The following KLF13 variants were observed in gnomAD, a reference collection of about 807,000 sequenced individuals.
KLF13 encodes the protein Krueppel-like factor 13.
A neutral mutation model predicts 16.7 loss-of-function variants in KLF13; 8 were observed. The ratio of observed to expected loss-of-function variants is 0.48; its 90% CI spans 0.28 to 0.87. The LOEUF (loss-of-function observed/expected upper bound fraction) is 0.87, where lower values mean the gene tolerates loss of function less well. KLF13 is among the 40% of genes least tolerant of loss of function. KLF13 has a pLI of 0.10. For synonymous variants in KLF13, 245 were observed against 208.4 expected (o/e 1.18, Z -1.51); for missense variants, 447 against 452.2 (o/e 0.99, Z 0.10).
chr15:31,328,116 C>T (rs986555925), intron 1 of KLF13, among the ~76,000 whole-genome samples: 1 of 149,644 alleles, frequency 6.7e-6, no homozygotes, highest in African/African-American at 2.5e-5. Flanking sequence ...GGAGGCGGCG[C>T]GGGCAGGTGC....
At chr15:31,403,897 C>A (rs941343061) in exon 3 of KLF13, 1 of 152,276 alleles carries the variant, frequency 6.6e-6, no homozygotes, top group African/African-American at 2.4e-5. Context: ...TGATCCCGGA[C>A]TGGAGCGCCA....
chr15:31,424,698 C>T (rs1420376302), intron 1 of KLF13, among the ~76,000 whole-genome samples: 1 of 152,138 alleles, frequency 6.6e-6, no homozygotes, highest in East Asian at 1.9e-4. Context: ...AAAGCTTTAT[C>T]TCTAAGGTTA....
At chr15:31,394,730 C>T (rs977375656) in intron 2 of KLF13, among the ~76,000 whole-genome samples, 3 of 152,152 alleles carry the variant, frequency 2.0e-5, no homozygotes, top group East Asian at 1.9e-4. Context: ...TATTCACAGA[C>T]GTGCAACCAT....
chr15:31,337,305 G>C (rs1431394172), intron 1 of KLF13, among the ~76,000 whole-genome samples: 1 of 152,224 alleles, frequency 6.6e-6, no homozygotes, highest in Non-Finnish European at 1.5e-5. Flanking sequence ...TGTTGTTTTT[G>C]TCTTCTAGCA....
At chr15:31,380,403 C>T (rs1432088779), downstream of KLF13, among the ~76,000 whole-genome samples, 1 of 152,178 alleles carries the variant, frequency 6.6e-6, no homozygotes, top group African/African-American at 2.4e-5. Flanking sequence ...CACTGCTTGC[C>T]AGGAATTCCA....
chr15:31,334,228 G>A (rs1273038941), intron 1 of KLF13, among the ~76,000 whole-genome samples: 1 of 152,210 alleles, frequency 6.6e-6, no homozygotes, highest in Non-Finnish European at 1.5e-5. Flanking sequence ...TTAATAGCCA[G>A]CTCAAGGGTA....
At chr15:31,388,438 C>A, upstream of KLF13, among the ~76,000 whole-genome samples, 1 of 151,608 alleles carries the variant, frequency 6.6e-6, no homozygotes, top group Non-Finnish European at 1.5e-5. Context: ...ATGGAGAAAC[C>A]CTGTCTCTCC....
chr15:31,425,768 T>C (rs1374377923), intron 1 of KLF13, among the ~76,000 whole-genome samples: 2 of 152,156 alleles, frequency 1.3e-5, no homozygotes, highest in African/African-American at 2.4e-5. Context: ...TCCCAGCTAC[T>C]TGGGAGGCTG....
chr15:31,424,584 G>A (rs542179304), intron 1 of KLF13, among the ~76,000 whole-genome samples: 22 of 152,044 alleles, frequency 1.4e-4, no homozygotes, highest in Non-Finnish European at 2.5e-4. Context: ...ACCCTTTCAT[G>A]ATAAAAACAC....
intron 1 of KLF13, among the ~76,000 whole-genome samples, chr15:31,346,142 T>C (rs2039112519): frequency 6.6e-6 from 1 of 151,948 alleles, no homozygotes; most frequent in Non-Finnish European, 1.5e-5. Flanking sequence ...CCAGAGCTGT[T>C]CCGCACAGAA....
chr15:31,346,103 C>T (rs536428700), intron 1 of KLF13, among the ~76,000 whole-genome samples: 2 of 152,238 alleles, frequency 1.3e-5, no homozygotes, highest in East Asian at 1.9e-4. Context: ...GCATATCTCT[C>T]AGGAGCCCCC....
In KLF13 at chr15:31,374,808, A is replaced by G. The variant is rs902837699; in HGVS notation, c.*2509A>G. 1 of 129,670 alleles carries G rather than the reference A, an allele frequency of 7.7e-6. No homozygotes were observed. Among genetic ancestry groups the G allele is most frequent in the Non-Finnish European group, 1.6e-5 (1 of 64,492 alleles). The allele number at this position is 129,670 out of a possible 1,614,324, so 8.0% of individuals were successfully genotyped here. The stretch of plus-strand genomic sequence containing the variant: ...AAGGAAAAGATAGGACTCTAAACCT[A>G]GTCATCTTGGAATAAAAAGAAGAGC... On this transcript the variant is annotated 3_prime_UTR_variant, in exon 2 of 2. Coordinates refer to ENST00000307145, the MANE Select transcript of KLF13 (RefSeq NM_015995.4).
chr15:31,394,389 A>T (rs1410512667), intron 2 of KLF13, among the ~76,000 whole-genome samples: 2 of 151,936 alleles, frequency 1.3e-5, no homozygotes, highest in Non-Finnish European at 2.9e-5. Flanking sequence ...CGGGAGGCTG[A>T]GGCGACAGAA....
At chr15:31,396,225 G>A (rs970473454) in intron 2 of KLF13, among the ~76,000 whole-genome samples, 6 of 152,128 alleles carry the variant, frequency 3.9e-5, no homozygotes, top group African/African-American at 1.4e-4. Flanking sequence ...GTTTCTCTGT[G>A]TTGGTCAGGT....
At chr15:31,338,023 A>G (rs1365033780) in intron 1 of KLF13, among the ~76,000 whole-genome samples, 1 of 152,174 alleles carries the variant, frequency 6.6e-6, no homozygotes, top group Non-Finnish European at 1.5e-5. Flanking sequence ...GGTTTTCCTG[A>G]ATTACTGTCA....
intron 2 of KLF13, among the ~76,000 whole-genome samples, chr15:31,398,868 C>T (rs1010330967): frequency 4.6e-5 from 7 of 152,296 alleles, no homozygotes; most frequent in Middle Eastern, 3.4e-3. Context: ...GCCCTACAGT[C>T]GCCTAGTGCT....
At chr15:31,327,961 CGCGAGGCGGGTCTT>C (rs1320524653) in intron 1 of KLF13, among the ~76,000 whole-genome samples, 172 bp downstream of exon 1, 3 of 147,670 alleles carry the variant, frequency 2.0e-5, no homozygotes, top group Admixed American at 2.0e-4. Context: ...CCGCGCGTCG[CGCGAGGCGGGTCTT>C]GGCTCTCGGA....
intron 1 of KLF13, among the ~76,000 whole-genome samples, chr15:31,418,695 A>AGC (rs2040285381): frequency 5.4e-5 from 1 of 18,484 alleles, no homozygotes; most frequent in African/African-American, 7.5e-4. Context: ...TTAATCAGTA[A>AGC]GAAAATTTTT....
At chr15:31,336,517 T>G (rs1339020983) in intron 1 of KLF13, among the ~76,000 whole-genome samples, 1 of 152,228 alleles carries the variant, frequency 6.6e-6, no homozygotes, top group Non-Finnish European at 1.5e-5. Context: ...CCTCCTCTGA[T>G]AAACTTCTCT....
Sources: allele counts gnomAD v4.1 joint callset (sites outside exome capture counted in the v4.1 genomes callset), GRCh38; gene constraint gnomAD v4.1.1; transcripts MANE v1.5; gene names NCBI Gene and HGNC (gene_info 2026-07-23, HGNC 2026-07-21).